The following BAIAP2L1 variants were observed in gnomAD, a reference collection of about 807,000 sequenced individuals.
BAIAP2L1 encodes BAR/IMD domain-containing adapter protein 2-like 1.
In BAIAP2L1, 35 loss-of-function variants were observed where a neutral mutation model predicts 66.3. That is an observed-to-expected ratio of 0.53 (90% confidence interval 0.40 to 0.70). BAIAP2L1 has a LOEUF of 0.70. Among genes scored for constraint, BAIAP2L1 ranks in the 30% least tolerant of loss-of-function variants. BAIAP2L1 has a pLI of 0.00. For synonymous variants in BAIAP2L1, 269 were observed against 248.7 expected (o/e 1.08, Z -0.77); for missense variants, 622 against 656.9 (o/e 0.95, Z 0.58).
chr7:98,391,368 C>T (rs1463761581), intron 1 of BAIAP2L1, among the ~76,000 whole-genome samples: 1 of 152,042 alleles, frequency 6.6e-6, no homozygotes, highest in East Asian at 1.9e-4. Context: ...TCACTTTTAT[C>T]CACAAAGACT....
At chr7:98,390,738 AAAC>A (rs1199068298) in intron 1 of BAIAP2L1, among the ~76,000 whole-genome samples, 1 of 151,864 alleles carries the variant, frequency 6.6e-6, no homozygotes, top group African/African-American at 2.4e-5. Flanking sequence ...TCTCAAAAAA[AAAC>A]AAAAAACAAA....
At position 98,304,272 on chromosome 7, in the gene BAIAP2L1, G is replaced by A. The variant is rs1453152390; in HGVS notation, c.1346C>T (p.Ala449Val). 1 of 1,613,688 alleles carries A rather than the reference G, an allele frequency of 6.2e-7. No individual in the cohort carries two copies. The highest frequency in any genetic ancestry group is 1.1e-5 in the South Asian group (1 of 90,966). The change falls in exon 12 of 14, where the codon GCC (alanine) becomes GTC (valine). Residue 449 changes from alanine (A) to valine (V), a missense_variant. Ala to Val is a moderately conservative substitution (Grantham distance 64). Coordinates refer to ENST00000005260, the MANE Select transcript of BAIAP2L1 (RefSeq NM_018842.5). Reference sequence around the variant, plus strand: ...CCTGGCCGAATCTGCTCTCCTGTCGGCAGCTGCCCCCATGGACAAGCATTC... The same window carrying A: ...CCTGGCCGAATCTGCTCTCCTGTCGACAGCTGCCCCCATGGACAAGCATTC... ...YLECLSMGAA[A>V]DRRADSARTT...
At chr7:98,351,807 T>C (rs1368107246) in intron 3 of BAIAP2L1, among the ~76,000 whole-genome samples, 2 of 152,152 alleles carry the variant, frequency 1.3e-5, no homozygotes, top group Non-Finnish European at 2.9e-5. Flanking sequence ...CACACAGCAG[T>C]GAGTGAGCCG....
chr7:98,386,010 A>T, intron 1 of BAIAP2L1: 1 of 1,397,768 alleles, frequency 7.2e-7, no homozygotes, highest in Non-Finnish European at 1.0e-6. Flanking sequence ...TGTCTTTTCC[A>T]ATGCTGTCTG....
chr7:98,319,548 CTTTT>C (rs35466813), intron 5 of BAIAP2L1, among the ~76,000 whole-genome samples: 9 of 138,542 alleles, frequency 6.5e-5, no homozygotes, highest in Admixed American at 5.1e-4. Flanking sequence ...TTTCCTATGC[CTTTT>C]TTTTTTTTTT....
intron 1 of BAIAP2L1, among the ~76,000 whole-genome samples, chr7:98,381,300 T>C (rs1294084110): frequency 6.6e-6 from 1 of 152,206 alleles, no homozygotes; most frequent in African/African-American, 2.4e-5. Context: ...TCCGTGAGAA[T>C]TTCATTATGA....
rs1266683120 is a variant in BAIAP2L1 at position 98,307,695 on chromosome 7, G to C, written c.1157C>G (p.Ser386Cys). Residue 386 changes from serine (S) to cysteine (C), a missense_variant, in exon 10 of 14, where the codon TCC (serine) becomes TGC (cysteine). By Grantham distance (112) the Ser-to-Cys change is moderately radical. Coordinates refer to ENST00000005260, the MANE Select transcript of BAIAP2L1 (RefSeq NM_018842.5). Reference protein sequence around the residue: ...DGWLYGEHDVSKARGWFPSSY... With the variant: ...DGWLYGEHDVCKARGWFPSSY... ...CCATCACGCCCAGACTTACGCCTTG[G>C]ACACGTCGTGTTCTCCATAGAGCCA... The C allele has an allele frequency of 1.2e-6, 2 of 1,613,968 alleles. No homozygotes were observed. The highest frequency in any genetic ancestry group is 4.5e-5 in the East Asian group (2 of 44,888).
chr7:98,378,776 T>C (rs1014885114), intron 1 of BAIAP2L1, among the ~76,000 whole-genome samples: 12 of 151,736 alleles, frequency 7.9e-5, no homozygotes, highest in African/African-American at 2.4e-4. Flanking sequence ...GCTGGGACTA[T>C]AGGCACACGC....
At position 98,388,514 on chromosome 7, in the gene BAIAP2L1, C is replaced by G. The variant is rs903059899; in HGVS notation, c.51+12288G>C. Among the ~76,000 whole-genome samples, 17 of 135,336 alleles carry G rather than the reference C, an allele frequency of 1.3e-4. 1 individual carries two copies. Among genetic ancestry groups the G allele is most frequent in the African/African-American group, 4.1e-4 (16 of 39,124 alleles). The allele number at this position is 135,336 out of a possible 152,430, so 88.8% of individuals were successfully genotyped here. On this transcript the variant is annotated intron_variant, in intron 1 of 13. Coordinates refer to ENST00000005260, the MANE Select transcript of BAIAP2L1 (RefSeq NM_018842.5). ...TCTCAAAAACAAAACAAAACAAACC[C>G]ATGTTTTGCATGTTTAAACTTTTTG... is the stretch of plus-strand genomic sequence containing the variant.
rs181077669 is a variant in BAIAP2L1, at chr7:98,325,299, C to T, written c.215-5001G>A. Among the ~76,000 whole-genome samples, 34 of 151,982 alleles carry T rather than the reference C, an allele frequency of 2.2e-4. No homozygotes were observed. The East Asian group carries it at 3.9e-3, about 17-fold the overall frequency. On this transcript the variant is annotated intron_variant, in intron 3 of 13. Transcript: ENST00000005260. ...TAGAGAGGCTGAGGCAGGAGAACTG[C>T]AGAGGTGGCAGTGAGCCGAGATCAG...
chr7:98,364,627 G>A (rs1296911473), intron 1 of BAIAP2L1, among the ~76,000 whole-genome samples: 3 of 151,832 alleles, frequency 2.0e-5, no homozygotes, highest in Non-Finnish European at 4.4e-5. Context: ...TCTTTACCTT[G>A]ACGTTTGCTA....
At chr7:98,338,811 T>C (rs1254714271) in intron 3 of BAIAP2L1, among the ~76,000 whole-genome samples, 2 of 152,096 alleles carry the variant, frequency 1.3e-5, no homozygotes, top group Non-Finnish European at 2.9e-5. Context: ...TGGTGGCTCA[T>C]GCCTTTAATC....
At chr7:98,352,370 G>A (rs529509289) in intron 3 of BAIAP2L1, among the ~76,000 whole-genome samples, 6 of 152,274 alleles carry the variant, frequency 3.9e-5, no homozygotes, top group East Asian at 1.9e-4. Flanking sequence ...GGCTGGGCAC[G>A]GTGGCACACA....
chr7:98,331,529 C>T (rs933411470), intron 3 of BAIAP2L1, among the ~76,000 whole-genome samples: 5 of 134,810 alleles, frequency 3.7e-5, no homozygotes, highest in Non-Finnish European at 4.6e-5. Context: ...AGTGCAATGG[C>T]GTGATCTCGG....
chr7:98,388,578 A>G (rs1255399516), intron 1 of BAIAP2L1, among the ~76,000 whole-genome samples: 1 of 152,262 alleles, frequency 6.6e-6, no homozygotes, highest in Non-Finnish European at 1.5e-5. Context: ...TTGTTCAGTC[A>G]CATATTGTAC....
intron 12 of BAIAP2L1, among the ~76,000 whole-genome samples, chr7:98,295,714 A>T (rs1800161685): frequency 6.6e-6 from 1 of 152,024 alleles, no homozygotes; most frequent in Admixed American, 6.6e-5. Context: ...AGCTTATGCT[A>T]GGGGAAGGCG....
At chr7:98,386,513 T>C (rs1802893810) in intron 1 of BAIAP2L1, 2 of 1,597,246 alleles carry the variant, frequency 1.3e-6, no homozygotes. Context: ...TCTTAGAAAA[T>C]GGATCAACCA....
intron 1 of BAIAP2L1, among the ~76,000 whole-genome samples, chr7:98,373,151 G>A (rs899152505): frequency 2.0e-5 from 3 of 152,108 alleles, no homozygotes; most frequent in African/African-American, 4.8e-5. Context: ...CTTCCTTTAG[G>A]GAAAGTATTA....
chr7:98,295,962 A>G (rs1800171445), intron 12 of BAIAP2L1, among the ~76,000 whole-genome samples: 1 of 152,186 alleles, frequency 6.6e-6, no homozygotes, highest in South Asian at 2.1e-4. Flanking sequence ...CTGGGGCCCA[A>G]CAATCCTGCT....
Sources: gnomAD v4.1 joint callset for allele counts (sites outside exome capture counted in the v4.1 genomes callset) on GRCh38, gnomAD v4.1.1 for gene constraint, MANE v1.5 for transcripts, NCBI Gene and HGNC (gene_info 2026-07-23, HGNC 2026-07-21) for gene names.